ANKDD1A: variants seen among roughly 807,000 people sequenced by gnomAD.
ANKDD1A encodes the protein ankyrin repeat and death domain-containing protein 1A.
ANKDD1A carries 59 observed loss-of-function variants against 63.5 expected under a neutral mutation model. The ratio of observed to expected loss-of-function variants is 0.93; its 90% CI spans 0.75 to 1.15. The LOEUF is 1.15. Among genes scored for constraint, ANKDD1A ranks in the 50% most tolerant of loss-of-function variants. The probability of loss-of-function intolerance (pLI) is 0.00; values close to 1 mark genes in which losing one functional copy is unlikely to be tolerated. For missense variants in ANKDD1A, 632 were observed against 656.4 expected (o/e 0.96, Z 0.41); for synonymous variants, 266 against 263.9 (o/e 1.01, Z -0.08).
intron 8 of ANKDD1A, among the ~76,000 whole-genome samples, 174 bp from the exon 9 acceptor site, chr15:64,933,962 T>C (rs1305180583): frequency 6.6e-6 from 1 of 152,190 alleles, no homozygotes; most frequent in Non-Finnish European, 1.5e-5. Flanking sequence ...AATGAGTTCC[T>C]TTTACTGGTC....
At chr15:64,952,314 T>TTTCTTTCTTC (rs1457731178) in intron 14 of ANKDD1A, among the ~76,000 whole-genome samples, 2 of 145,534 alleles carry the variant, frequency 1.4e-5, no homozygotes, top group African/African-American at 5.1e-5. Context: ...CTTCGTTCTT[T>TTTCTTTCTTC]TTCTTTCTTC....
chr15:64,952,806 TTCTCCTC>T (rs2085321466), intron 14 of ANKDD1A, among the ~76,000 whole-genome samples: 3 of 148,408 alleles, frequency 2.0e-5, no homozygotes, highest in African/African-American at 2.5e-5. Context: ...TTTCTTCTCC[TTCTCCTC>T]CTTCTTCCTC....
At chr15:64,950,212 C>T (rs2140384244) in intron 14 of ANKDD1A, 1 of 985,442 alleles carries the variant, frequency 1.0e-6, no homozygotes. Context: ...ACCTTCACAG[C>T]CCCGGAGCCA....
chr15:64,934,038 G>A (rs759056463), intron 8 of ANKDD1A, 98 bp from the exon 9 acceptor site: 6 of 966,688 alleles, frequency 6.2e-6, no homozygotes, highest in Middle Eastern at 2.2e-4. Context: ...TCCCAGGGGT[G>A]TTGTGACACT....
intron 6 of ANKDD1A, among the ~76,000 whole-genome samples, chr15:64,929,676 C>T (rs564978928): frequency 1.2e-4 from 18 of 152,340 alleles, no homozygotes; most frequent in Admixed American, 1.3e-4. Flanking sequence ...TCCACATGAT[C>T]ACCTGAAGAC....
At chr15:64,947,223 TCAAGG>T (rs1338962334) in intron 12 of ANKDD1A, among the ~76,000 whole-genome samples, 176 bp from the exon 13 acceptor site, 1 of 151,888 alleles carries the variant, frequency 6.6e-6, no homozygotes, top group Non-Finnish European at 1.5e-5. Flanking sequence ...GTTCCAGAGG[TCAAGG>T]CAAGGCATGG....
chr15:64,952,787 CCTTCTTCTTTTCTTCTCCTTCTCCTCCTT>C (rs1276494302), intron 14 of ANKDD1A, among the ~76,000 whole-genome samples: 4 of 138,894 alleles, frequency 2.9e-5, no homozygotes, highest in African/African-American at 1.1e-4. Context: ...TCTTCCTTCT[CCTTCTTCTTTTCTTCTCCTTCTCCTCCTT>C]CTTCCTCCTC....
At position 64,953,287 on chromosome 15, in the gene ANKDD1A, CCTT is replaced by C. The variant is rs556232687; in HGVS notation, c.1483+3319_1483+3321del. ...TAGTTCTTCCTCTTCTTTCCTTCTT[CCTT>C]CTTTCTTCTTCTTTTACTTTTTTCT... On this transcript the variant is annotated intron_variant, in intron 14 of 14. Transcript: ENST00000319580. Among the ~76,000 whole-genome samples, 50 of 148,084 alleles carry C rather than the reference CCTT, an allele frequency of 3.4e-4. 1 individual carries two copies. In the South Asian group the frequency reaches 8.1e-3, roughly 24 times the overall value.
At chr15:64,952,651 CCTTCTTCTTCCCCTTCTTCCTT>C (rs2085315996) in intron 14 of ANKDD1A, among the ~76,000 whole-genome samples, 1 of 7,002 alleles carries the variant, frequency 1.4e-4, no homozygotes, top group Non-Finnish European at 8.8e-4. Context: ...TTCTCCTTCT[CCTTCTTCTTCCCCTTCTTCCTT>C]CTTCTTCTTC....
Position 64,955,871 on chromosome 15 carries a change from T to G in ANKDD1A, c.1484-1232T>G, listed in dbSNP as rs149579064. The stretch of plus-strand genomic sequence containing the variant: ...TTATCCATTGGTCCAGCAATCCTAC[T>G]CTAGGAATTTTTCCTACATATAAAC... On this transcript the variant is annotated intron_variant, in intron 14 of 14. Transcript: ENST00000319580. Among the ~76,000 whole-genome samples the G allele has an allele frequency of 8.5e-5, 13 of 152,336 alleles. No individual in the cohort carries two copies. The East Asian group carries it at 1.3e-3, about 16-fold the overall frequency.
rs2085311525 is a variant in ANKDD1A at position 64,952,542 on chromosome 15, C to CG, written c.1483+2570_1483+2571insG. On this transcript the variant is annotated intron_variant, in intron 14 of 14. Coordinates refer to ENST00000319580, the MANE Select transcript of ANKDD1A (RefSeq NM_182703.6). ...CTTCTTCCTTCGTCTTCTTCTCCTT[C>CG]TCCTCCTCCTTCCTTCTCCTTCGTT... 2.8e-5 allele frequency among the ~76,000 whole-genome samples: 3 copies of CG among 106,574 alleles called. No individual in the cohort carries two copies. The East Asian group carries it at 9.8e-4, about 35-fold the overall frequency. 69.9% of individuals were successfully genotyped at this position (106,574 alleles called of 152,430 possible).
chr15:64,927,372 A>C (rs2085053551), intron 6 of ANKDD1A, among the ~76,000 whole-genome samples: 1 of 152,096 alleles, frequency 6.6e-6, no homozygotes, highest in Non-Finnish European at 1.5e-5. Context: ...TCTGTTGTTG[A>C]CAGATGTGGG....
intron 14 of ANKDD1A, chr15:64,950,916 T>C (rs772252960): frequency 8.6e-5 from 109 of 1,260,910 alleles, no homozygotes; most frequent in Non-Finnish European, 1.0e-4. Context: ...GAGGCAGAGC[T>C]TAGGCAACAG....
chr15:64,950,269 C>T, intron 14 of ANKDD1A: 1 of 985,396 alleles, frequency 1.0e-6, no homozygotes, highest in Non-Finnish European at 1.2e-6. Flanking sequence ...TATACCTTGA[C>T]ATTTTTTTTC....
Position 64,926,889 on chromosome 15 carries a change from C to A in ANKDD1A, c.472-12C>A, listed in dbSNP as rs144154294. 1,634 of 1,614,050 alleles carry A rather than the reference C, an allele frequency of 1.0e-3. 9 individuals carry two copies. Among genetic ancestry groups the A allele is most frequent in the Middle Eastern group, 6.6e-3 (40 of 6,038 alleles). On this transcript the variant is annotated splice_polypyrimidine_tract_variant and intron_variant, in intron 5 of 14. Transcript: ENST00000319580. ...AGTGAGGAAGGCTCACACCGCTTCTCCTCCCGGCCAGCTGGGGAGGACGGC... is the reference window on the plus strand; with the variant it reads ...AGTGAGGAAGGCTCACACCGCTTCTACTCCCGGCCAGCTGGGGAGGACGGC...
At chr15:64,943,748 T>G (rs2085203383) in intron 11 of ANKDD1A, 166 bp downstream of exon 11, 2 of 647,942 alleles carry the variant, frequency 3.1e-6, no homozygotes, top group Admixed American at 2.4e-5. Flanking sequence ...TTCCTGACCT[T>G]CCACCACCTT....
chr15:64,953,548 T>TCTCCTTTTCTTCTTCCTC (rs2085346287), intron 14 of ANKDD1A, among the ~76,000 whole-genome samples: 1 of 143,980 alleles, frequency 6.9e-6, no homozygotes, highest in Non-Finnish European at 1.5e-5. Context: ...CCTTCTTCCT[T>TCTCCTTTTCTTCTTCCTC]CTCCTTCTTT....
At chr15:64,930,958 T>C (rs1235940525) in intron 7 of ANKDD1A, 38 bp downstream of exon 7, 1 of 1,591,478 alleles carries the variant, frequency 6.3e-7, no homozygotes. Flanking sequence ...TGCATGACCC[T>C]TGCTTGCTCT....
chr15:64,951,727 C>CTTTTTCTTTCCTT (rs1437556850), intron 14 of ANKDD1A, among the ~76,000 whole-genome samples: 43,050 of 137,906 alleles, frequency 0.31, 7,783 homozygotes, highest in South Asian at 0.46. Flanking sequence ...CTTCCCTTTT[C>CTTTTTCTTTCCTT]TTCTTTCCTC....
Sources: gnomAD v4.1 joint callset for allele counts (sites outside exome capture counted in the v4.1 genomes callset) on GRCh38, gnomAD v4.1.1 for gene constraint, MANE v1.5 for transcripts, NCBI Gene and HGNC (gene_info 2026-07-23, HGNC 2026-07-21) for gene names.